Variants in CLTCL1 observed in about 807,000 individuals in gnomAD.
CLTCL1 encodes clathrin heavy chain like 1.
A neutral mutation model predicts 190.0 loss-of-function variants in CLTCL1; 159 were observed. The observed-to-expected ratio is 0.84, with a 90% CI of 0.74 to 0.95. CLTCL1 has a LOEUF of 0.95. Ranked by LOEUF, CLTCL1 falls within the 40% of genes least tolerant of loss-of-function variation. The probability of loss-of-function intolerance (pLI) is 0.00; values close to 1 mark genes in which losing one functional copy is unlikely to be tolerated. For missense variants in CLTCL1, 1,878 were observed against 2,033.4 expected (o/e 0.92, Z 1.47); for synonymous variants, 752 against 769.6 (o/e 0.98, Z 0.38).
chr22:19,288,854 A>T (rs1344019966), intron 1 of CLTCL1, among the ~76,000 whole-genome samples: 1 of 152,236 alleles, frequency 6.6e-6, no homozygotes, highest in African/African-American at 2.4e-5. Flanking sequence ...GAGGAAGGAG[A>T]AACCCTGGGA....
chr22:19,211,446 C>T (rs1044673885), intron 19 of CLTCL1, among the ~76,000 whole-genome samples: 1 of 151,976 alleles, frequency 6.6e-6, no homozygotes, highest in African/African-American at 2.4e-5. Context: ...TATAATGAAT[C>T]GCAAAGAAAG....
chr22:19,249,688 T>C (rs2086530398), intron 3 of CLTCL1, among the ~76,000 whole-genome samples: 1 of 151,998 alleles, frequency 6.6e-6, no homozygotes, highest in South Asian at 2.1e-4. Flanking sequence ...AGAGCAAGGC[T>C]CTGTCTCAAA....
chr22:19,226,253 C>G lies in CLTCL1; in HGVS notation c.1913G>C (p.Arg638Thr), dbSNP rs782710958. The G allele has an allele frequency of 3.7e-6, 6 of 1,613,872 alleles. No individual in the cohort carries two copies. Among genetic ancestry groups the G allele is most frequent in the Non-Finnish European group, 5.1e-6 (6 of 1,179,886 alleles). ...GAGGAGGTGAGTGTGGACCACAGCC[C>G]TCTTGATGTCATAGAGGTCGGTGTA... ...EHYTDLYDIK[R>T]AVVHTHLLNP... The change falls in exon 12 of 33, where the codon AGG becomes ACG. Residue 638 changes from arginine to threonine, a missense_variant. Transcript: ENST00000427926.
At chr22:19,261,566 A>G (rs1555975637) in intron 2 of CLTCL1, among the ~76,000 whole-genome samples, 1 of 152,242 alleles carries the variant, frequency 6.6e-6, no homozygotes, top group Non-Finnish European at 1.5e-5. Context: ...TATCAATATT[A>G]ACAGGAATTT....
chr22:19,226,230 G>A lies in CLTCL1; in HGVS notation c.1936C>T (p.Leu646Phe), dbSNP rs1569195648. 3.1e-6 allele frequency: 5 copies of A among 1,613,810 alleles called. No individual in the cohort carries two copies. Among genetic ancestry groups the A allele is most frequent in the East Asian group, 2.2e-5 (1 of 44,884 alleles). ...GGGGTACACAGTACCTCGGGATTGA[G>A]GAGGTGAGTGTGGACCACAGCCCTC... is the stretch of plus-strand genomic sequence containing the variant. ...IKRAVVHTHLLNPEWLVNFFG... is the reference protein window; with the variant it reads ...IKRAVVHTHLFNPEWLVNFFG... Residue 646 changes from leucine to phenylalanine, a missense_variant, in exon 12 of 33, where the codon CTC becomes TTC. Leu to Phe is a conservative substitution (Grantham distance 22). Transcript: ENST00000427926.
Position 19,222,007 on chromosome 22 carries a change from T to C in CLTCL1, c.2505A>G (p.Ala835=). 1 of 1,614,028 alleles carries C rather than the reference T, an allele frequency of 6.2e-7. No individual in the cohort carries two copies. Among genetic ancestry groups the C allele is most frequent in the Non-Finnish European group, 8.5e-7 (1 of 1,179,866 alleles). Residue 835 remains alanine (A), a synonymous_variant, in exon 16 of 33, where the codon GCA becomes GCG. Coordinates refer to ENST00000427926, the MANE Select transcript of CLTCL1 (RefSeq NM_007098.4). The part of the protein sequence containing the change: ...SEEVIKHLIM[A]VRGQFSTDEL... ...CATCAGTAGAGAACTGTCCTCTCAC[T>C]GCCATGATTAAGTGTTTAATCACTT...
intron 18 of CLTCL1, among the ~76,000 whole-genome samples, chr22:19,217,918 T>A (rs1437565286): frequency 1.3e-5 from 2 of 152,058 alleles, no homozygotes; most frequent in African/African-American, 4.8e-5. Flanking sequence ...ACAGGTTGTT[T>A]TAAGGGCAAA....
intron 4 of CLTCL1, among the ~76,000 whole-genome samples, chr22:19,239,795 C>T (rs538452571): frequency 6.6e-6 from 1 of 152,284 alleles, no homozygotes; most frequent in Admixed American, 6.5e-5. Context: ...AGGCGAAACT[C>T]ACGAGACATC....
At chr22:19,221,262 G>A in intron 17 of CLTCL1, 115 bp downstream of exon 17, 2 of 745,472 alleles carry the variant, frequency 2.7e-6, no homozygotes, top group South Asian at 3.9e-5. Flanking sequence ...ATAATCTCAT[G>A]ACCTGCCATC....
At chr22:19,258,330 TC>T in intron 2 of CLTCL1, 1 of 415,358 alleles carries the variant, frequency 2.4e-6, no homozygotes, top group Non-Finnish European at 4.6e-6. Flanking sequence ...CAGGTACTGA[TC>T]CCAGCAGATT....
At chr22:19,195,118 G>A (rs1555934709) in intron 26 of CLTCL1, among the ~76,000 whole-genome samples, 1 of 152,188 alleles carries the variant, frequency 6.6e-6, no homozygotes, top group Non-Finnish European at 1.5e-5. Flanking sequence ...CCTAATATCA[G>A]AGGAGTTACA....
At chr22:19,286,186 G>A (rs138222824) in intron 1 of CLTCL1, among the ~76,000 whole-genome samples, 191 of 152,236 alleles carry the variant, frequency 1.3e-3, no homozygotes, top group Middle Eastern at 6.8e-3. Context: ...ATGTTCTATG[G>A]TGAAGATCTG....
chr22:19,188,197 CTCTG>C, intron 27 of CLTCL1, 106 bp from the exon 28 acceptor site: 1 of 993,078 alleles, frequency 1.0e-6, no homozygotes, highest in South Asian at 1.3e-5. Flanking sequence ...AATGGTCCAG[CTCTG>C]GAGCCAAGGG....
At position 19,235,714 on chromosome 22, in the gene CLTCL1, A is replaced by C. The variant is rs1272120807; in HGVS notation, c.951T>G (p.Gly317=). 6.2e-7 allele frequency: 1 copy of C among 1,612,252 alleles called. No individual in the cohort carries two copies. Among genetic ancestry groups the C allele is most frequent in the Non-Finnish European group, 8.5e-7 (1 of 1,179,416 alleles). The change falls in exon 6 of 33, where the codon GGT becomes GGG. Residue 317 remains glycine (G), a synonymous_variant. Coordinates refer to ENST00000427926, the MANE Select transcript of CLTCL1 (RefSeq NM_007098.4). ...TACACACCTGTCCCTTTTTGTTGAC[A>C]CCAATAATTCCAGAGGTTGGTTTGT... ...APHKPTSGII[G]VNKKGQVLSV... is the part of the protein sequence containing the mutation.
chr22:19,208,133 C>T (rs529932244), intron 22 of CLTCL1, 21 bp downstream of exon 22: 2 of 1,613,580 alleles, frequency 1.2e-6, no homozygotes, highest in Admixed American at 3.3e-5. Flanking sequence ...CAGTGCACAG[C>T]CCCCAGGGGG....
At chr22:19,256,426 A>G (rs992496912) in intron 2 of CLTCL1, among the ~76,000 whole-genome samples, 17 of 129,966 alleles carry the variant, frequency 1.3e-4, no homozygotes, top group African/African-American at 5.1e-4. Context: ...GCATCATCTC[A>G]GCTCAATGCA....
intron 26 of CLTCL1, 59 bp downstream of exon 26, chr22:19,196,207 C>T: frequency 3.8e-6 from 6 of 1,561,638 alleles, no homozygotes; most frequent in Non-Finnish European, 5.2e-6. Context: ...CATTCCCCTG[C>T]ACCCAGAATA....
In CLTCL1 at chr22:19,179,750, G is replaced by A. The variant is rs2084064673; in HGVS notation, c.*240C>T. ...ATGGCTCAGAGGTTGCCGTCATTGG[G>A]TTTCAGCAAAAATAAATATTGTCCA... On this transcript the variant is annotated 3_prime_UTR_variant, in exon 33 of 33. Coordinates refer to ENST00000427926, the MANE Select transcript of CLTCL1 (RefSeq NM_007098.4). 2 of 183,258 alleles carry A rather than the reference G, an allele frequency of 1.1e-5. No homozygotes were observed. The highest frequency in any genetic ancestry group is 2.4e-5 in the African/African-American group (1 of 42,308). The allele number at this position is 183,258 out of a possible 1,614,324, so 11.4% of individuals were successfully genotyped here.
intron 2 of CLTCL1, among the ~76,000 whole-genome samples, chr22:19,254,599 G>T (rs2086693304): frequency 6.6e-6 from 1 of 152,100 alleles, no homozygotes. Flanking sequence ...TCTCTGTGTG[G>T]TCTCCAATTT....
Sources: gnomAD v4.1 joint callset for allele counts (sites outside exome capture counted in the v4.1 genomes callset) on GRCh38, gnomAD v4.1.1 for gene constraint, MANE v1.5 for transcripts, NCBI Gene and HGNC (gene_info 2026-07-23, HGNC 2026-07-21) for gene names.